Variants in PEMT observed in about 807,000 individuals in gnomAD.
The protein encoded by PEMT is phosphatidylethanolamine N-methyltransferase.
In PEMT, 23 loss-of-function variants were observed where a neutral mutation model predicts 27.4. The ratio of observed to expected loss-of-function variants is 0.84; its 90% CI spans 0.60 to 1.19. PEMT has a LOEUF of 1.19. Ranked by LOEUF, PEMT falls within the 50% of genes most tolerant of loss-of-function variation. The pLI is 0.00. For synonymous variants in PEMT, 137 were observed against 139.1 expected (o/e 0.98, Z 0.11); for missense variants, 307 against 310.1 (o/e 0.99, Z 0.07).
intron 2 of PEMT, among the ~76,000 whole-genome samples, chr17:17,567,261 C>A (rs1910888857): frequency 1.3e-5 from 2 of 152,246 alleles, no homozygotes; most frequent in Admixed American, 1.3e-4. Flanking sequence ...TCCCAGCCAT[C>A]CTGGCACAGG....
intron 1 of PEMT, among the ~76,000 whole-genome samples, chr17:17,588,520 C>T (rs1005344541): frequency 2.0e-5 from 3 of 152,144 alleles, no homozygotes; most frequent in Non-Finnish European, 4.4e-5. Flanking sequence ...TAAAGCTTTA[C>T]ACCCCTCATC....
intron 4 of PEMT, among the ~76,000 whole-genome samples, chr17:17,511,511 G>A (rs1331901172): frequency 6.6e-6 from 1 of 152,216 alleles, no homozygotes; most frequent in African/African-American, 2.4e-5. Flanking sequence ...TGGGCCCAAG[G>A]AGCTGTAGCC....
At chr17:17,538,971 C>G (rs1180193207) in intron 2 of PEMT, among the ~76,000 whole-genome samples, 2 of 152,212 alleles carry the variant, frequency 1.3e-5, no homozygotes, top group African/African-American at 4.8e-5. Context: ...CATCAACGCC[C>G]ATGTGCTAGT....
At chr17:17,529,486 C>T (rs1451550473) in intron 2 of PEMT, among the ~76,000 whole-genome samples, 1 of 152,258 alleles carries the variant, frequency 6.6e-6, no homozygotes, top group African/African-American at 2.4e-5. Flanking sequence ...ACTCCACCAG[C>T]TAGTCCAGTG....
chr17:17,554,533 G>A (rs1397719587), intron 2 of PEMT, among the ~76,000 whole-genome samples: 2 of 152,252 alleles, frequency 1.3e-5, no homozygotes, highest in Non-Finnish European at 2.9e-5. Flanking sequence ...GGCACAGGCT[G>A]AGGCAACGGA....
chr17:17,548,817 T>TG (rs1909439876), intron 2 of PEMT, among the ~76,000 whole-genome samples: 1 of 152,162 alleles, frequency 6.6e-6, no homozygotes, highest in Admixed American at 6.5e-5. Context: ...AGTGCTGGGA[T>TG]TACAGGCGTG....
intron 3 of PEMT, among the ~76,000 whole-genome samples, chr17:17,516,163 C>T (rs1386627108): frequency 6.6e-6 from 1 of 151,150 alleles, no homozygotes; most frequent in Non-Finnish European, 1.5e-5. Context: ...CCATGTACTC[C>T]ACATCCTTCA....
chr17:17,529,413 C>T (rs968437759), intron 2 of PEMT, among the ~76,000 whole-genome samples: 1 of 152,234 alleles, frequency 6.6e-6, no homozygotes, highest in Non-Finnish European at 1.5e-5. Context: ...TGCCCTTCCA[C>T]GTGACACAGC....
intron 2 of PEMT, among the ~76,000 whole-genome samples, chr17:17,528,179 A>G (rs929523160): frequency 3.3e-5 from 5 of 152,164 alleles, no homozygotes; most frequent in Non-Finnish European, 7.4e-5. Context: ...GGGGCTCATG[A>G]GCTCCAAGCT....
intron 6 of PEMT, 99 bp downstream of exon 6, chr17:17,506,128 G>T: frequency 8.9e-7 from 1 of 1,125,288 alleles, no homozygotes; most frequent in Non-Finnish European, 1.3e-6. Context: ...GCTGACGGCA[G>T]CCTGTCCTGA....
intron 5 of PEMT, chr17:17,506,861 G>A (rs1368707531): frequency 1.5e-5 from 6 of 411,546 alleles, no homozygotes; most frequent in African/African-American, 6.1e-5. Flanking sequence ...AGGAGCTGCC[G>A]CCCCGCCCAG....
At chr17:17,559,092 C>T (rs112492063) in intron 2 of PEMT, among the ~76,000 whole-genome samples, 37 of 152,202 alleles carry the variant, frequency 2.4e-4, no homozygotes, top group African/African-American at 7.7e-4. Flanking sequence ...TACGCTCCCC[C>T]CCATTTTTAC....
chr17:17,563,924 C>G (rs903276064), intron 2 of PEMT, among the ~76,000 whole-genome samples: 1 of 152,200 alleles, frequency 6.6e-6, no homozygotes, highest in African/African-American at 2.4e-5. Context: ...AGCACTCGGC[C>G]TGCACAGGGC....
chr17:17,556,140 TC>T (rs1910038352), intron 2 of PEMT, among the ~76,000 whole-genome samples: 1 of 151,924 alleles, frequency 6.6e-6, no homozygotes. Flanking sequence ...TGAGGGGGTG[TC>T]CCCCAGACCA....
In PEMT at chr17:17,531,621, C is replaced by CAA. The variant is rs58165466; in HGVS notation, c.205-9228_205-9227dup. 2.8e-3 allele frequency among the ~76,000 whole-genome samples: 172 copies of CAA among 62,406 alleles called. 5 individuals carry two copies. The highest frequency in any genetic ancestry group is 7.1e-3 in the African/African-American group (125 of 17,604). 40.9% of individuals were successfully genotyped at this position (62,406 alleles called of 152,430 possible). On this transcript the variant is annotated intron_variant, in intron 2 of 6. Transcript: ENST00000255389. ...CACTGGAACAATTGGCTATCATATG[C>CAA]AAAAAAAAAAAAAAAAAAAAAAAAA...
chr17:17,522,430 T>TTG, intron 2 of PEMT, 35 bp from the exon 3 acceptor site: 1 of 1,223,508 alleles, frequency 8.2e-7, no homozygotes, highest in Non-Finnish European at 1.2e-6. Flanking sequence ...ACGAGATATT[T>TTG]CCTGGGGAGA....
intron 2 of PEMT, among the ~76,000 whole-genome samples, chr17:17,528,162 GCA>G (rs1417229025): frequency 6.6e-6 from 1 of 152,226 alleles, no homozygotes; most frequent in African/African-American, 2.4e-5. Context: ...CCGTGCGCCA[GCA>G]CAGAGGGGCT....
chr17:17,546,705 T>G (rs949867421), intron 2 of PEMT, among the ~76,000 whole-genome samples: 23 of 152,204 alleles, frequency 1.5e-4, no homozygotes, highest in Admixed American at 2.6e-4. Flanking sequence ...GCCTAGCCTA[T>G]GGCCAAAGAG....
chr17:17,555,044 C>T (rs187691845), intron 2 of PEMT, among the ~76,000 whole-genome samples: 64 of 152,258 alleles, frequency 4.2e-4, no homozygotes, highest in African/African-American at 1.5e-3. Flanking sequence ...CATGCATGAG[C>T]ACTAATGGGC....
Sources: gnomAD v4.1 joint callset for allele counts (sites outside exome capture counted in the v4.1 genomes callset) on GRCh38, gnomAD v4.1.1 for gene constraint, MANE v1.5 for transcripts, NCBI Gene and HGNC (gene_info 2026-07-23, HGNC 2026-07-21) for gene names.